C5orf46: variants seen among roughly 807,000 people sequenced by gnomAD.
The protein encoded by C5orf46 is chromosome 5 open reading frame 46.
Under a neutral mutation model 8.9 loss-of-function variants are expected in C5orf46, and 9 were observed. That is an observed-to-expected ratio of 1.01 (90% CI 0.61 to 1.76). The LOEUF (loss-of-function observed/expected upper bound fraction) is 1.76, where lower values mean the gene tolerates loss of function less well. Ranked by LOEUF, C5orf46 falls within the 40% of genes most tolerant of loss-of-function variation. C5orf46 has a pLI of 0.00. For synonymous variants in C5orf46, 47 were observed against 41.4 expected (o/e 1.14, Z -0.52); for missense variants, 98 against 107.8 (o/e 0.91, Z 0.40).
At chr5:147,903,767 A>G (rs557662241) in intron 1 of C5orf46, among the ~76,000 whole-genome samples, 1 of 152,256 alleles carries the variant, frequency 6.6e-6, no homozygotes, top group South Asian at 2.1e-4. Flanking sequence ...TTTATTTTTG[A>G]AACAGGGCTT....
chr5:147,905,251 G>A (rs1395807372), intron 1 of C5orf46, among the ~76,000 whole-genome samples: 1 of 152,156 alleles, frequency 6.6e-6, no homozygotes, highest in Non-Finnish European at 1.5e-5. Context: ...TATTTGTAGA[G>A]TTTTAATAGT....
At chr5:147,887,270 T>C (rs1157960547) in intron 2 of C5orf46, 1 of 152,182 alleles carries the variant, frequency 6.6e-6, no homozygotes, top group Non-Finnish European at 1.5e-5. Context: ...TTTGTGTATA[T>C]ATGCAAGGTA....
At chr5:147,902,878 C>T (rs1199085715) in intron 1 of C5orf46, among the ~76,000 whole-genome samples, 1 of 152,072 alleles carries the variant, frequency 6.6e-6, no homozygotes, top group Non-Finnish European at 1.5e-5. Flanking sequence ...TAATTTTATC[C>T]CCTGAGCAAT....
intron 2 of C5orf46, chr5:147,887,281 G>C (rs550476100): frequency 6.6e-6 from 1 of 152,274 alleles, no homozygotes; most frequent in South Asian, 2.1e-4. Context: ...ATGCAAGGTA[G>C]ATAATGAGAA....
chr5:147,887,261 T>A (rs1031680545), intron 2 of C5orf46: 1 of 152,068 alleles, frequency 6.6e-6, no homozygotes, highest in South Asian at 2.1e-4. Flanking sequence ...AGGAAAACAT[T>A]TGTGTATATA....
At chr5:147,904,894 C>A (rs1580989150) in intron 1 of C5orf46, among the ~76,000 whole-genome samples, 1 of 149,300 alleles carries the variant, frequency 6.7e-6, no homozygotes. Flanking sequence ...CATATATATA[C>A]CACTTATCGT....
chr5:147,890,674 C>T (rs185650200), downstream of C5orf46, among the ~76,000 whole-genome samples: 7 of 151,758 alleles, frequency 4.6e-5, no homozygotes, highest in South Asian at 4.2e-4. Context: ...GGCCACCTCG[C>T]GAAAGAGTAA....
chr5:147,901,963 A>G (rs895505834), intron 1 of C5orf46, among the ~76,000 whole-genome samples, 190 bp from the exon 2 acceptor site: 3 of 152,182 alleles, frequency 2.0e-5, no homozygotes, highest in African/African-American at 7.2e-5. Flanking sequence ...TATTTGTAAA[A>G]ACAAACAAAT....
chr5:147,903,587 G>A (rs1298726661), intron 1 of C5orf46, among the ~76,000 whole-genome samples: 1 of 152,096 alleles, frequency 6.6e-6, no homozygotes, highest in African/African-American at 2.4e-5. Context: ...AAAAAGATTG[G>A]CAGGCAATTC....
downstream of C5orf46, among the ~76,000 whole-genome samples, chr5:147,891,540 G>A (rs114290891): frequency 3.6e-3 from 554 of 152,264 alleles, 4 homozygotes; most frequent in African/African-American, 0.013. Context: ...ATTTCAAAAT[G>A]TACAATAGAC....
intron 3 of C5orf46, among the ~76,000 whole-genome samples, chr5:147,894,287 T>C (rs1757547357): frequency 6.6e-6 from 1 of 152,158 alleles, no homozygotes; most frequent in South Asian, 2.1e-4. Context: ...CAAAAAAAGA[T>C]GACTTGAATT....
intron 2 of C5orf46, 61 bp downstream of exon 2, chr5:147,901,568 C>G: frequency 1.3e-6 from 2 of 1,502,130 alleles, no homozygotes; most frequent in Non-Finnish European, 9.1e-7. Flanking sequence ...GCCATGAGGT[C>G]ATTGTGTGGT....
chr5:147,888,118 G>C (rs541687491), downstream of C5orf46, among the ~76,000 whole-genome samples: 5 of 152,264 alleles, frequency 3.3e-5, no homozygotes, highest in South Asian at 1.0e-3. Context: ...AGACTCCTAC[G>C]AGTCATTCCT....
downstream of C5orf46, among the ~76,000 whole-genome samples, chr5:147,889,070 T>C (rs78160258): frequency 0.18 from 27,013 of 151,954 alleles, 3,149 homozygotes; most frequent in East Asian, 0.48. Flanking sequence ...AATAAAAATA[T>C]TTATATATAA....
downstream of C5orf46, among the ~76,000 whole-genome samples, chr5:147,890,396 T>C (rs1444403419): frequency 6.6e-6 from 1 of 152,016 alleles, no homozygotes. Flanking sequence ...ACCAGAAACA[T>C]TGAACAAAAA....
chr5:147,890,110 T>C (rs555757039), downstream of C5orf46, among the ~76,000 whole-genome samples: 113 of 152,304 alleles, frequency 7.4e-4, no homozygotes, highest in African/African-American at 2.5e-3. Flanking sequence ...GGAGCATGAA[T>C]GGTTCTTTGT....
At chr5:147,891,911 G>T (rs950963462), downstream of C5orf46, among the ~76,000 whole-genome samples, 1 of 151,986 alleles carries the variant, frequency 6.6e-6, no homozygotes, top group African/African-American at 2.4e-5. Context: ...TATTTGTGCT[G>T]CATGCACACC....
At position 147,906,505 on chromosome 5, in the gene C5orf46, G is replaced by A. The variant is rs1757754355; in HGVS notation, c.-4C>T. On this transcript the variant is annotated 5_prime_UTR_variant, in exon 1 of 4. Transcript: ENST00000318315. ...GGCGAAGTACTGAGACAGCCATTCT[G>A]GTAGCACGGGGTATTCGTGCAGATA... 5.0e-6 allele frequency: 8 copies of A among 1,604,482 alleles called. No individual in the cohort carries two copies. The highest frequency in any genetic ancestry group is 6.8e-6 in the Non-Finnish European group (8 of 1,172,164).
downstream of C5orf46, among the ~76,000 whole-genome samples, chr5:147,888,189 G>T (rs1757451398): frequency 6.6e-6 from 1 of 152,118 alleles, no homozygotes; most frequent in Non-Finnish European, 1.5e-5. Context: ...TCAACCTAAT[G>T]TCTTAATATT....
Sources: gnomAD v4.1 joint callset for allele counts (sites outside exome capture counted in the v4.1 genomes callset) on GRCh38, gnomAD v4.1.1 for gene constraint, MANE v1.5 for transcripts, NCBI Gene and HGNC (gene_info 2026-07-23, HGNC 2026-07-21) for gene names.